Variants in ADAMTSL1 observed in about 807,000 individuals in gnomAD.
The protein encoded by ADAMTSL1 is ADAMTS like 1, also known as ADAMTS-like protein 1.
ADAMTSL1 carries 126 observed loss-of-function variants against 201.8 expected under a neutral mutation model. The ratio of observed to expected loss-of-function variants is 0.62; its 90% CI spans 0.54 to 0.72. ADAMTSL1 has a LOEUF of 0.72. ADAMTSL1 is among the 30% of genes least tolerant of loss of function. The pLI is 0.00. For synonymous variants in ADAMTSL1, 1,121 were observed against 903.4 expected (o/e 1.24, Z -4.32); for missense variants, 2,679 against 2,277.8 (o/e 1.18, Z -3.59).
At chr9:18,841,147 C>T (rs1347037882) in intron 23 of ADAMTSL1, among the ~76,000 whole-genome samples, 1 of 151,502 alleles carries the variant, frequency 6.6e-6, no homozygotes, top group Admixed American at 6.6e-5. Flanking sequence ...AGTTTTTGCC[C>T]ATTCAGTATG....
chr9:18,706,865 G>A lies in ADAMTSL1; in HGVS notation c.1693G>A (p.Asp565Asn). The A allele has an allele frequency of 6.2e-7, 1 of 1,613,704 alleles. No individual in the cohort carries two copies. The highest frequency in any genetic ancestry group is 8.5e-7 in the Non-Finnish European group (1 of 1,179,724). Residue 565 changes from aspartate (D) to asparagine (N), a missense_variant, in exon 14 of 29, where the codon GAC becomes AAC. By Grantham distance (23) the Asp-to-Asn change is conservative (BLOSUM62 1). Coordinates refer to ENST00000380548, the MANE Select transcript of ADAMTSL1 (RefSeq NM_001040272.6). ...TCAGTCCGTGGCTGACCTGCCTATT[G>A]ACGAGTGTGAAGGGCCCAAGCCAGC... ...FSQSVADLPI[D>N]ECEGPKPASQ...
chr9:18,838,443 G>C (rs564034112), intron 23 of ADAMTSL1, among the ~76,000 whole-genome samples: 1 of 151,274 alleles, frequency 6.6e-6, no homozygotes, highest in Non-Finnish European at 1.5e-5. Flanking sequence ...CAGGAAGGTA[G>C]GGAAAGAGAG....
intron 2 of ADAMTSL1, among the ~76,000 whole-genome samples, chr9:18,512,345 T>C (rs1818086339): frequency 6.6e-6 from 1 of 152,126 alleles, no homozygotes. Flanking sequence ...AGCCAATTTG[T>C]TGGAATAAAA....
chr9:18,679,118 A>G (rs900349645), intron 10 of ADAMTSL1, among the ~76,000 whole-genome samples: 1 of 152,190 alleles, frequency 6.6e-6, no homozygotes, highest in Non-Finnish European at 1.5e-5. Context: ...GGAAAAACAC[A>G]TGATTCAGGC....
At chr9:18,579,173 T>C (rs1822930062) in intron 4 of ADAMTSL1, among the ~76,000 whole-genome samples, 1 of 150,500 alleles carries the variant, frequency 6.6e-6, no homozygotes. Flanking sequence ...CCGTAAAAAA[T>C]GATGAGTTCA....
rs140160003 is a variant in ADAMTSL1 at position 18,551,093 on chromosome 9, A to C, written c.237+17801A>C. On this transcript the variant is annotated intron_variant, in intron 3 of 28. Transcript: ENST00000380548. Reference sequence around the variant, plus strand: ...AGGAAAAGAGAGAAAAGAATCAAAAAGGATGGTAGACAAAAAATACAAAAC... The same window carrying C: ...AGGAAAAGAGAGAAAAGAATCAAAACGGATGGTAGACAAAAAATACAAAAC... Among the ~76,000 whole-genome samples, 1,260 of 152,066 alleles carry C rather than the reference A, an allele frequency of 8.3e-3. 8 individuals are homozygous for C. Among genetic ancestry groups the C allele is most frequent in the Middle Eastern group, 0.034 (10 of 294 alleles).
intron 1 of ADAMTSL1, among the ~76,000 whole-genome samples, chr9:18,081,555 C>T (rs771456024): frequency 1.5e-4 from 23 of 151,990 alleles, no homozygotes; most frequent in African/African-American, 2.7e-4. Flanking sequence ...TAAAATCACT[C>T]GAGCTGAATG....
chr9:18,385,801 C>A lies in ADAMTSL1; in HGVS notation c.208-119028C>A, dbSNP rs137888870. ...GTAGTATTTGGCTGACATTTCACTT[C>A]ATGCTTGTCACATTTATAGTCCCAA... On this transcript the variant is annotated intron_variant, in intron 2 of 29. Transcript: ENST00000680146. Among the ~76,000 whole-genome samples, 967 of 152,306 alleles carry A rather than the reference C, an allele frequency of 6.3e-3. 6 individuals carry two copies. The highest frequency in any genetic ancestry group is 0.01 in the Non-Finnish European group (705 of 68,020).
chr9:18,605,374 G>T (rs77009862), intron 4 of ADAMTSL1, among the ~76,000 whole-genome samples: 18 of 152,174 alleles, frequency 1.2e-4, no homozygotes, highest in African/African-American at 3.9e-4. Flanking sequence ...CCAAGCGCTG[G>T]CATTGTAGAT....
chr9:18,027,427 C>A (rs979950369), intron 1 of ADAMTSL1, among the ~76,000 whole-genome samples: 2 of 146,354 alleles, frequency 1.4e-5, no homozygotes, highest in Non-Finnish European at 3.0e-5. Context: ...TTATTTATTT[C>A]AAAGATTTTT....
chr9:18,073,442 C>T (rs1823053700), intron 1 of ADAMTSL1, among the ~76,000 whole-genome samples: 2 of 152,090 alleles, frequency 1.3e-5, no homozygotes, highest in African/African-American at 4.8e-5. Context: ...AAAGGGGGCA[C>T]AAGTATTTTT....
intron 2 of ADAMTSL1, among the ~76,000 whole-genome samples, chr9:18,183,771 G>T (rs192831225): frequency 2.0e-5 from 3 of 152,224 alleles, no homozygotes; most frequent in Admixed American, 1.3e-4. Context: ...GAATAAACCA[G>T]TCTTTATTTA....
At chr9:18,825,808 G>T (rs983248389) in intron 21 of ADAMTSL1, among the ~76,000 whole-genome samples, 4 of 151,786 alleles carry the variant, frequency 2.6e-5, no homozygotes, top group African/African-American at 7.3e-5. Context: ...AAATTATACA[G>T]TATGTACTCT....
intron 2 of ADAMTSL1, among the ~76,000 whole-genome samples, chr9:18,339,608 A>T (rs1478515556): frequency 6.6e-6 from 1 of 152,142 alleles, no homozygotes; most frequent in Non-Finnish European, 1.5e-5. Context: ...TTTTGGGTAC[A>T]TACCCAAATG....
intron 26 of ADAMTSL1, among the ~76,000 whole-genome samples, chr9:18,898,480 G>C (rs1489977590): frequency 1.3e-5 from 2 of 152,170 alleles, no homozygotes; most frequent in Admixed American, 6.5e-5. Flanking sequence ...AAAAAGAATG[G>C]AAAGGAACCA....
intron 1 of ADAMTSL1, among the ~76,000 whole-genome samples, chr9:18,060,725 C>T (rs1822411362): frequency 6.6e-6 from 1 of 152,166 alleles, no homozygotes; most frequent in African/African-American, 2.4e-5. Flanking sequence ...GCCCCCTATC[C>T]TGAACTTTTA....
chr9:18,811,801 A>G (rs1187665984), intron 20 of ADAMTSL1, among the ~76,000 whole-genome samples: 1 of 152,218 alleles, frequency 6.6e-6, no homozygotes, highest in African/African-American at 2.4e-5. Flanking sequence ...GAGACTGGAA[A>G]CAAAGAAATA....
chr9:18,377,601 ACT>A (rs1837358038), intron 2 of ADAMTSL1, among the ~76,000 whole-genome samples: 1 of 151,954 alleles, frequency 6.6e-6, no homozygotes, highest in African/African-American at 2.4e-5. Flanking sequence ...ACAGAGTCTC[ACT>A]CTGTCACCCA....
intron 1 of ADAMTSL1, among the ~76,000 whole-genome samples, chr9:18,490,348 T>G (rs1587360050): frequency 1.3e-5 from 2 of 148,806 alleles, no homozygotes; most frequent in African/African-American, 2.5e-5. Flanking sequence ...AGGGGGTAGG[T>G]GAAGGGGATG....
Sources: gnomAD v4.1 joint callset for allele counts (sites outside exome capture counted in the v4.1 genomes callset) on GRCh38, gnomAD v4.1.1 for gene constraint, MANE v1.5 for transcripts, NCBI Gene and HGNC (gene_info 2026-07-23, HGNC 2026-07-21) for gene names.